The following GABRG3 variants were observed in gnomAD, a reference collection of about 807,000 sequenced individuals.
GABRG3 encodes gamma-aminobutyric acid receptor subunit gamma-3.
A neutral mutation model predicts 48.8 loss-of-function variants in GABRG3; 25 were observed. The observed-to-expected ratio is 0.51, with a 90% confidence interval of 0.37 to 0.72. The LOEUF (loss-of-function observed/expected upper bound fraction) is 0.72. GABRG3 is among the 30% of genes least tolerant of loss of function. The probability of loss-of-function intolerance (pLI) is 0.00; values close to 1 mark genes in which losing one functional copy is unlikely to be tolerated. For missense variants in GABRG3, 394 were observed against 577.9 expected (o/e 0.68, Z 3.26); for synonymous variants, 227 against 217.6 (o/e 1.04, Z -0.38).
At chr15:27,188,268 G>T (rs1192592095) in intron 3 of GABRG3, among the ~76,000 whole-genome samples, 2 of 152,106 alleles carry the variant, frequency 1.3e-5, no homozygotes, top group Admixed American at 6.5e-5. Flanking sequence ...GGGTCAAATG[G>T]TATTTCTAGT....
intron 3 of GABRG3, among the ~76,000 whole-genome samples, chr15:27,100,273 T>A (rs978575571): frequency 7.2e-5 from 11 of 151,758 alleles, no homozygotes; most frequent in African/African-American, 2.7e-4. Flanking sequence ...AAATTCACTA[T>A]CTACCAATAA....
At chr15:27,302,053 A>G (rs1892228049) in intron 3 of GABRG3, among the ~76,000 whole-genome samples, 1 of 152,156 alleles carries the variant, frequency 6.6e-6, no homozygotes, top group South Asian at 2.1e-4. Context: ...GGAAGCTGTT[A>G]AAACAGAAAG....
chr15:27,160,148 A>G (rs1887124449), intron 3 of GABRG3, among the ~76,000 whole-genome samples: 1 of 152,106 alleles, frequency 6.6e-6, no homozygotes, highest in African/African-American at 2.4e-5. Flanking sequence ...TTTGGTGGAG[A>G]ATATTCTCCA....
chr15:27,398,100 G>A (rs144713361), intron 5 of GABRG3, among the ~76,000 whole-genome samples: 1 of 152,088 alleles, frequency 6.6e-6, no homozygotes, highest in East Asian at 1.9e-4. Context: ...CACTGTGCCC[G>A]GCTCTTCTCT....
intron 6 of GABRG3, among the ~76,000 whole-genome samples, chr15:27,503,573 A>G (rs1419250133): frequency 1.3e-5 from 2 of 152,086 alleles, no homozygotes; most frequent in Non-Finnish European, 2.9e-5. Flanking sequence ...TATTGAGTGT[A>G]CAATAATTTG....
At chr15:27,506,724 T>C (rs1046792907) in intron 6 of GABRG3, among the ~76,000 whole-genome samples, 1 of 152,232 alleles carries the variant, frequency 6.6e-6, no homozygotes, top group African/African-American at 2.4e-5. Context: ...CTGCAATCAA[T>C]TGTTAATGTA....
intron 3 of GABRG3, among the ~76,000 whole-genome samples, chr15:27,298,995 A>G (rs993473382): frequency 1.3e-5 from 2 of 152,216 alleles, no homozygotes; most frequent in African/African-American, 2.4e-5. Flanking sequence ...TGTGTAAGAC[A>G]TAAAACATGG....
At chr15:27,100,289 G>A (rs1290631466) in intron 3 of GABRG3, among the ~76,000 whole-genome samples, 15 of 151,082 alleles carry the variant, frequency 9.9e-5, no homozygotes, top group Non-Finnish European at 2.9e-5. Context: ...AATAAAAGAA[G>A]TGGAAACCTG....
In GABRG3 at chr15:27,085,642, A is replaced by T. The variant is rs534125293; in HGVS notation, c.270+58821A>T. Among the ~76,000 whole-genome samples the T allele has an allele frequency of 2.0e-5, 3 of 152,314 alleles. No individual in the cohort carries two copies. In the East Asian group the frequency reaches 5.8e-4, roughly 29 times the overall value. On this transcript the variant is annotated intron_variant, in intron 3 of 9. Coordinates refer to ENST00000615808, the MANE Select transcript of GABRG3 (RefSeq NM_033223.5). ...TAACATCAATTATTCTAACTTAAAA[A>T]TTGCTAATCTGGTGATCAATAACAA...
At chr15:27,438,800 A>G (rs563566145) in intron 5 of GABRG3, among the ~76,000 whole-genome samples, 1 of 152,322 alleles carries the variant, frequency 6.6e-6, no homozygotes, top group South Asian at 2.1e-4. Context: ...ATGATTTTCT[A>G]TAACAAGTGG....
intron 5 of GABRG3, chr15:27,363,660 C>T (rs938832185): frequency 2.6e-5 from 4 of 152,144 alleles, no homozygotes; most frequent in African/African-American, 9.7e-5. Flanking sequence ...AGACCAAAAT[C>T]GAGGCAGTCA....
intron 5 of GABRG3, among the ~76,000 whole-genome samples, chr15:27,356,695 A>C (rs1894854713): frequency 6.6e-6 from 1 of 152,342 alleles, no homozygotes; most frequent in African/African-American, 2.4e-5. Context: ...AGTTTAACCA[A>C]CCCAAACAGT....
At chr15:27,068,858 C>T (rs1471773799) in intron 3 of GABRG3, among the ~76,000 whole-genome samples, 1 of 152,170 alleles carries the variant, frequency 6.6e-6, no homozygotes. Flanking sequence ...TTAATCAGTG[C>T]TCCATAATCT....
intron 2 of GABRG3, among the ~76,000 whole-genome samples, chr15:27,000,754 T>C (rs1895429182): frequency 6.6e-6 from 1 of 152,184 alleles, no homozygotes; most frequent in African/African-American, 2.4e-5. Context: ...GCCAGCACCA[T>C]GCTTCCAGTA....
chr15:27,290,610 C>T (rs1260449053), intron 3 of GABRG3, among the ~76,000 whole-genome samples: 4 of 152,038 alleles, frequency 2.6e-5, no homozygotes, highest in Admixed American at 6.6e-5. Context: ...ACAGAAAGAT[C>T]ACAGTTTAAG....
chr15:27,007,863 T>C (rs1387690462), intron 2 of GABRG3, among the ~76,000 whole-genome samples: 7 of 152,196 alleles, frequency 4.6e-5, no homozygotes, highest in Admixed American at 4.6e-4. Flanking sequence ...GTAGGTTGTT[T>C]ACTCTGTTGA....
Position 27,456,048 on chromosome 15 carries a change from T to A in GABRG3, c.575-24602T>A, listed in dbSNP as rs368097433. On this transcript the variant is annotated intron_variant, in intron 5 of 9. Coordinates refer to ENST00000615808, the MANE Select transcript of GABRG3 (RefSeq NM_033223.5). ...CATCTGGGGCCCACCCTTAGCTTTC[T>A]ATGATTGAGACCTGCCCTGAACTGG... is the stretch of plus-strand genomic sequence containing the variant. 9.9e-5 allele frequency among the ~76,000 whole-genome samples: 15 copies of A among 152,262 alleles called. 2 individuals are homozygous for A. The South Asian group carries it at 3.1e-3, about 32-fold the overall frequency.
chr15:27,356,546 A>G (rs1445181533), intron 5 of GABRG3, among the ~76,000 whole-genome samples: 1 of 152,208 alleles, frequency 6.6e-6, no homozygotes, highest in Non-Finnish European at 1.5e-5. Flanking sequence ...AAAGCTGTTG[A>G]TGGAACTTGC....
rs978186634 is a variant in GABRG3, at chr15:27,006,646, C to T, written c.203-20108C>T. ...AACCGATAGGTAGTTTTTTGATTCT[C>T]ACCTTCCTTTCATCTCTACTTTCAA... On this transcript the variant is annotated intron_variant, in intron 2 of 9. Coordinates refer to ENST00000615808, the MANE Select transcript of GABRG3 (RefSeq NM_033223.5). 1.2e-4 allele frequency among the ~76,000 whole-genome samples: 19 copies of T among 152,300 alleles called. 2 individuals are homozygous for T. In the Middle Eastern group the frequency reaches 0.01, roughly 82 times the overall value.
Sources: allele counts gnomAD v4.1 joint callset (sites outside exome capture counted in the v4.1 genomes callset), GRCh38; gene constraint gnomAD v4.1.1; transcripts MANE v1.5; gene names NCBI Gene and HGNC (gene_info 2026-07-23, HGNC 2026-07-21).